ATP2C2: variants seen among roughly 807,000 people sequenced by gnomAD.
The protein encoded by ATP2C2 is ATPase secretory pathway Ca2+ transporting 2.
A neutral mutation model predicts 110.8 loss-of-function variants in ATP2C2; 171 were observed. The ratio of observed to expected loss-of-function variants is 1.54; its 90% CI spans 1.36 to 1.75. ATP2C2 has a LOEUF of 1.75. ATP2C2 is among the 40% of genes most tolerant of loss of function. The pLI, the probability that ATP2C2 is intolerant of heterozygous loss-of-function variation, is 0.00. For missense variants in ATP2C2, 1,963 were observed against 1,235.0 expected (o/e 1.59, Z -8.84); for synonymous variants, 804 against 508.4 (o/e 1.58, Z -7.82).
chr16:84,458,955 G>A (rs554546388), intron 21 of ATP2C2, among the ~76,000 whole-genome samples, 165 bp from the exon 22 acceptor site: 11 of 152,236 alleles, frequency 7.2e-5, no homozygotes, highest in Admixed American at 2.6e-4. Flanking sequence ...GAACACCACC[G>A]TCTCCTACAA....
At chr16:84,394,818 C>T (rs565186542) in intron 1 of ATP2C2, among the ~76,000 whole-genome samples, 4 of 152,136 alleles carry the variant, frequency 2.6e-5, no homozygotes, top group Admixed American at 6.5e-5. Context: ...CTGCAAAATT[C>T]TCCTTTTTGC....
chr16:84,391,521 A>C (rs1261989417), intron 1 of ATP2C2, among the ~76,000 whole-genome samples: 1 of 152,224 alleles, frequency 6.6e-6, no homozygotes, highest in Non-Finnish European at 1.5e-5. Flanking sequence ...CCCTAACCCA[A>C]TGACTGGGGT....
At chr16:84,400,839 T>C (rs981578639) in intron 2 of ATP2C2, among the ~76,000 whole-genome samples, 12 of 152,242 alleles carry the variant, frequency 7.9e-5, no homozygotes, top group Non-Finnish European at 1.0e-4. Flanking sequence ...CACCTTTTCA[T>C]GTACCTGTTT....
chr16:84,411,073 C>T (rs1212379227), intron 6 of ATP2C2, among the ~76,000 whole-genome samples: 1 of 152,108 alleles, frequency 6.6e-6, no homozygotes, highest in East Asian at 1.9e-4. Flanking sequence ...AAATAATGTG[C>T]AGAACTGTGT....
At chr16:84,412,219 T>C (rs1228564870) in intron 6 of ATP2C2, among the ~76,000 whole-genome samples, 1 of 152,156 alleles carries the variant, frequency 6.6e-6, no homozygotes, top group Non-Finnish European at 1.5e-5. Flanking sequence ...AGTTACTGCA[T>C]TTTTTGCATT....
chr16:84,462,650 C>G (rs1192517610), intron 26 of ATP2C2: 1 of 153,450 alleles, frequency 6.5e-6, no homozygotes, highest in Non-Finnish European at 1.4e-5. Context: ...CATTGTCAGC[C>G]AAGCGAGTGT....
intron 1 of ATP2C2, among the ~76,000 whole-genome samples, chr16:84,377,891 G>T (rs997495042): frequency 6.6e-6 from 1 of 152,210 alleles, no homozygotes; most frequent in East Asian, 1.9e-4. Flanking sequence ...TCTGCCGTCT[G>T]CCCCAAGTCC....
At chr16:84,423,057 G>T (rs758169029) in intron 9 of ATP2C2, 131 bp from the exon 10 acceptor site, 31 of 731,206 alleles carry the variant, frequency 4.2e-5, no homozygotes, top group Non-Finnish European at 6.6e-5. Context: ...AAAAGTCAAT[G>T]AATGTTGACA....
chr16:84,380,171 T>C (rs1331766867), intron 1 of ATP2C2, among the ~76,000 whole-genome samples: 3 of 152,148 alleles, frequency 2.0e-5, no homozygotes, highest in African/African-American at 7.2e-5. Context: ...GGAAAGTCTA[T>C]AAATAGCCAG....
chr16:84,397,006 T>C (rs1169108993), intron 1 of ATP2C2, among the ~76,000 whole-genome samples: 3 of 151,866 alleles, frequency 2.0e-5, no homozygotes, highest in Non-Finnish European at 2.9e-5. Context: ...CAATCTCTAT[T>C]ACAGCTAAAG....
At chr16:84,413,085 C>T (rs892648131) in intron 6 of ATP2C2, among the ~76,000 whole-genome samples, 8 of 138,632 alleles carry the variant, frequency 5.8e-5, no homozygotes, top group East Asian at 2.0e-4. Flanking sequence ...GCGATAAGAG[C>T]GAAACTCTGT....
At chr16:84,412,570 A>G (rs1015397150) in intron 6 of ATP2C2, among the ~76,000 whole-genome samples, 1 of 114,464 alleles carries the variant, frequency 8.7e-6, no homozygotes, top group Non-Finnish European at 2.0e-5. Flanking sequence ...GTGTGTGTGT[A>G]TGTGTGTGTG....
intron 23 of ATP2C2, chr16:84,459,642 A>C (rs981172549): frequency 2.1e-6 from 3 of 1,444,620 alleles, no homozygotes; most frequent in Admixed American, 2.0e-5. Flanking sequence ...TCTCTGGGCA[A>C]CCTGCATGGC....
intron 7 of ATP2C2, among the ~76,000 whole-genome samples, chr16:84,418,261 C>A (rs535986949): frequency 1.3e-5 from 2 of 152,314 alleles, no homozygotes; most frequent in African/African-American, 4.8e-5. Context: ...TCAGGCTCGG[C>A]CTGCCGCCTC....
Position 84,420,321 on chromosome 16 carries a change from A to C in ATP2C2, c.625-2069A>C, listed in dbSNP as rs527636346. On this transcript the variant is annotated intron_variant, in intron 7 of 26. Coordinates refer to ENST00000262429, the MANE Select transcript of ATP2C2 (RefSeq NM_014861.4). Reference sequence around the variant, plus strand: ...AGAGGAGTCTCTGGCCTATCGGAGGATATGGATGGTCAGGTTTCCCATCAG... The same window carrying C: ...AGAGGAGTCTCTGGCCTATCGGAGGCTATGGATGGTCAGGTTTCCCATCAG... 2.0e-5 allele frequency among the ~76,000 whole-genome samples: 3 copies of C among 152,076 alleles called. No individual in the cohort carries two copies. The South Asian group carries it at 6.2e-4, about 32-fold the overall frequency.
At chr16:84,447,884 TTAA>T (rs902315132) in intron 16 of ATP2C2, among the ~76,000 whole-genome samples, 22 of 121,378 alleles carry the variant, frequency 1.8e-4, no homozygotes, top group Non-Finnish European at 2.7e-4. Flanking sequence ...TAATTACATA[TTAA>T]TAACATATAT....
intron 1 of ATP2C2, among the ~76,000 whole-genome samples, chr16:84,371,365 C>T (rs989330910): frequency 1.3e-5 from 2 of 152,024 alleles, no homozygotes; most frequent in African/African-American, 4.8e-5. Flanking sequence ...AAAAATTAGG[C>T]GTGGTGGTGT....
At chr16:84,405,574 T>C (rs1310110683) in intron 3 of ATP2C2, among the ~76,000 whole-genome samples, 2 of 152,156 alleles carry the variant, frequency 1.3e-5, no homozygotes, top group Non-Finnish European at 2.9e-5. Context: ...GGTTGAAAGA[T>C]TTCCCCAGAG....
Position 84,398,714 on chromosome 16 carries a change from A to G in ATP2C2, c.210+105A>G, listed in dbSNP as rs9924190. 4.7e-3 allele frequency: 4,105 copies of G among 872,486 alleles called. 89 individuals carry two copies. The highest frequency in any genetic ancestry group is 0.044 in the African/African-American group (2,509 of 56,708). The allele number at this position is 872,486 out of a possible 1,614,324, so 54.0% of individuals were successfully genotyped here. A position where few individuals can be genotyped will look rare whatever the true frequency, so the allele number is the denominator to read the frequency against. On this transcript the variant is annotated intron_variant, in intron 2 of 26. Coordinates refer to ENST00000262429, the MANE Select transcript of ATP2C2 (RefSeq NM_014861.4). ...TGCTTTGAAATTCTGTGTTATTATC[A>G]ATTTTATCATCAAGGTTGGAAAATA...
Sources: gnomAD v4.1 joint callset for allele counts (sites outside exome capture counted in the v4.1 genomes callset) on GRCh38, gnomAD v4.1.1 for gene constraint, MANE v1.5 for transcripts, NCBI Gene and HGNC (gene_info 2026-07-23, HGNC 2026-07-21) for gene names.